The following RANBP17 variants were observed in gnomAD, a reference collection of about 807,000 sequenced individuals.
RANBP17 encodes RAN binding protein 17.
In RANBP17, 158 loss-of-function variants were observed where a neutral mutation model predicts 141.2. The observed-to-expected ratio is 1.12, with a 90% CI of 0.98 to 1.28. RANBP17 has a LOEUF of 1.28. RANBP17 is among the 50% of genes most tolerant of loss of function. RANBP17 has a pLI of 0.00. For synonymous variants in RANBP17, 430 were observed against 450.0 expected (o/e 0.96, Z 0.56); for missense variants, 1,438 against 1,290.7 (o/e 1.11, Z -1.75).
chr5:170,878,010 T>G, intron 1 of RANBP17, 87 bp from the exon 2 acceptor site: 1 of 896,144 alleles, frequency 1.1e-6, no homozygotes, highest in African/African-American at 1.7e-5. Flanking sequence ...AATACACATG[T>G]GATATTTGTA....
At chr5:171,156,551 C>A (rs1758913464) in intron 14 of RANBP17, among the ~76,000 whole-genome samples, 1 of 151,900 alleles carries the variant, frequency 6.6e-6, no homozygotes, top group South Asian at 2.1e-4. Flanking sequence ...TGGTAAAAGT[C>A]CACAATTTGC....
intron 12 of RANBP17, among the ~76,000 whole-genome samples, chr5:170,935,478 G>T (rs1358352999): frequency 6.6e-6 from 1 of 152,140 alleles, no homozygotes; most frequent in Non-Finnish European, 1.5e-5. Context: ...GTGACGTATG[G>T]ATGGGGTTTT....
At chr5:171,014,549 TC>T (rs1398764938) in intron 14 of RANBP17, among the ~76,000 whole-genome samples, 1 of 151,980 alleles carries the variant, frequency 6.6e-6, no homozygotes, top group Non-Finnish European at 1.5e-5. Context: ...ATTTTACTTA[TC>T]AAAAAAGAAC....
intron 14 of RANBP17, among the ~76,000 whole-genome samples, chr5:171,073,894 T>C (rs1168741622): frequency 6.6e-6 from 1 of 152,016 alleles, no homozygotes; most frequent in Non-Finnish European, 1.5e-5. Context: ...ATGTTATATT[T>C]TACTCAGAAA....
intron 3 of RANBP17, among the ~76,000 whole-genome samples, chr5:170,887,869 C>T (rs541049454): frequency 3.9e-5 from 6 of 152,244 alleles, no homozygotes; most frequent in South Asian, 2.1e-4. Flanking sequence ...GGGCTGAAAT[C>T]GTCCTTTTTA....
Position 170,901,431 on chromosome 5 carries a change from G to A in RANBP17, c.489+5316G>A, listed in dbSNP as rs150828752. On this transcript the variant is annotated intron_variant, in intron 5 of 27. Transcript: ENST00000523189. ...CTATTTACAAAGGCACATGAGATGG[G>A]TCTCCTGAATACAGCATACTGATGG... 3.9e-4 allele frequency among the ~76,000 whole-genome samples: 59 copies of A among 152,226 alleles called. No homozygotes were observed. In the East Asian group the frequency reaches 0.011, roughly 28 times the overall value.
chr5:171,269,597 G>A, intron 25 of RANBP17, among the ~76,000 whole-genome samples: 1 of 152,216 alleles, frequency 6.6e-6, no homozygotes, highest in South Asian at 2.1e-4. Flanking sequence ...CAGCCCTGAA[G>A]AGGAGCAGAA....
chr5:171,214,755 C>T (rs1242922873), intron 21 of RANBP17, among the ~76,000 whole-genome samples: 1 of 151,742 alleles, frequency 6.6e-6, no homozygotes. Context: ...ATTTAGTTTG[C>T]TTTTTAATTA....
At chr5:170,941,882 T>TTC (rs920621437) in intron 12 of RANBP17, among the ~76,000 whole-genome samples, 1 of 152,126 alleles carries the variant, frequency 6.6e-6, no homozygotes, top group African/African-American at 2.4e-5. Context: ...AACATTTGAA[T>TTC]ACCCATTGAC....
chr5:171,090,125 G>T (rs181456878), intron 14 of RANBP17, among the ~76,000 whole-genome samples: 3 of 152,340 alleles, frequency 2.0e-5, no homozygotes, highest in Non-Finnish European at 4.4e-5. Context: ...TGAGGGCTCA[G>T]AAGAAGATAG....
intron 27 of RANBP17, among the ~76,000 whole-genome samples, chr5:171,297,726 G>A (rs1768903246): frequency 6.6e-6 from 1 of 151,876 alleles, no homozygotes; most frequent in African/African-American, 2.4e-5. Context: ...ATGATGGCAG[G>A]TGGCCCTCGT....
intron 13 of RANBP17, among the ~76,000 whole-genome samples, chr5:170,958,563 A>G (rs1350320893): frequency 2.0e-5 from 3 of 152,194 alleles, no homozygotes; most frequent in African/African-American, 7.2e-5. Context: ...TCTTACGTAA[A>G]ATTACAAAAA....
At chr5:171,126,515 A>G (rs868612105) in intron 14 of RANBP17, among the ~76,000 whole-genome samples, 8 of 152,186 alleles carry the variant, frequency 5.3e-5, no homozygotes, top group Admixed American at 2.0e-4. Context: ...AAAATACAAA[A>G]TATCAATGAA....
At chr5:171,089,923 G>A (rs998242799) in intron 14 of RANBP17, among the ~76,000 whole-genome samples, 2 of 152,174 alleles carry the variant, frequency 1.3e-5, no homozygotes, top group South Asian at 4.1e-4. Flanking sequence ...CGTCTTCTGC[G>A]TCGCTCACAC....
intron 18 of RANBP17, among the ~76,000 whole-genome samples, chr5:171,196,051 T>C (rs1202673266): frequency 6.6e-6 from 1 of 152,198 alleles, no homozygotes; most frequent in Non-Finnish European, 1.5e-5. Flanking sequence ...AATAGAACAA[T>C]TTCCTTCCCA....
intron 25 of RANBP17, among the ~76,000 whole-genome samples, chr5:171,290,392 AAAAG>A (rs1217441091): frequency 2.0e-5 from 3 of 151,716 alleles, no homozygotes; most frequent in African/African-American, 7.3e-5. Flanking sequence ...GAAAGAAAGA[AAAAG>A]AAAGTATGAC....
intron 22 of RANBP17, among the ~76,000 whole-genome samples, chr5:171,237,531 CT>C (rs1167403164): frequency 1.3e-5 from 2 of 152,210 alleles, no homozygotes; most frequent in Non-Finnish European, 2.9e-5. Flanking sequence ...TCTTACCCAG[CT>C]TACGGATGTT....
intron 14 of RANBP17, among the ~76,000 whole-genome samples, chr5:171,020,997 G>C (rs913273807): frequency 2.0e-5 from 3 of 152,106 alleles, no homozygotes; most frequent in Non-Finnish European, 4.4e-5. Context: ...GTATTTGCTT[G>C]TCTGAAATGG....
chr5:171,213,643 C>G lies in RANBP17; in HGVS notation c.2244C>G (p.Tyr748Ter), dbSNP rs369594082. 2 of 1,613,128 alleles carry G rather than the reference C, an allele frequency of 1.2e-6. No individual in the cohort carries two copies. The highest frequency in any genetic ancestry group is 2.7e-5 in the African/African-American group (2 of 74,872). ...GGCTTTATAAAAGGTACCCAACGTACCTTCCCCTTCTTCAGAATGCTGTTG... is the reference window on the plus strand; with the variant it reads ...GGCTTTATAAAAGGTACCCAACGTAGCTTCCCCTTCTTCAGAATGCTGTTG... Reference protein sequence around the residue: ...TMLFDWMYPTYLPLLQNAVER... With the variant: ...TMLFDWMYPT Residue 748 changes from tyrosine to a stop codon, truncating the protein, a stop_gained, in exon 21 of 28, where the codon TAC becomes TAG. Coordinates refer to ENST00000523189, the MANE Select transcript of RANBP17 (RefSeq NM_022897.5). LOFTEE classifies it high-confidence loss of function.
Sources: allele counts gnomAD v4.1 joint callset (sites outside exome capture counted in the v4.1 genomes callset), GRCh38; gene constraint gnomAD v4.1.1; transcripts MANE v1.5; gene names NCBI Gene and HGNC (gene_info 2026-07-23, HGNC 2026-07-21).